The following AAR2 variants were observed in gnomAD, a reference collection of about 807,000 sequenced individuals.
AAR2 encodes protein AAR2 homolog.
In AAR2, 31 loss-of-function variants were observed where a neutral mutation model predicts 26.9. The ratio of observed to expected loss-of-function variants is 1.15; its 90% CI spans 0.86 to 1.55. The LOEUF (loss-of-function observed/expected upper bound fraction) is 1.55, where lower values mean the gene tolerates loss of function less well. AAR2 is among the 40% of genes most tolerant of loss of function. The pLI is 0.00. For missense variants in AAR2, 430 were observed against 491.3 expected (o/e 0.88, Z 1.18); for synonymous variants, 188 against 196.1 (o/e 0.96, Z 0.34).
At chr20:36,248,364 C>G (rs1310816687) in intron 3 of AAR2, among the ~76,000 whole-genome samples, 1 of 141,052 alleles carries the variant, frequency 7.1e-6, no homozygotes, top group Non-Finnish European at 1.5e-5. Context: ...GAGACATAGT[C>G]TTGGTCTGTA....
chr20:36,246,253 CTT>C (rs2064733800), intron 3 of AAR2, among the ~76,000 whole-genome samples: 1 of 152,146 alleles, frequency 6.6e-6, no homozygotes, highest in East Asian at 1.9e-4. Flanking sequence ...TCAGTGAAGA[CTT>C]CATCGAGGTC....
At position 36,255,481 on chromosome 20, in the gene AAR2, G is replaced by A. The variant is rs746806728; in HGVS notation, c.988-97G>A. 1,631 of 1,408,244 alleles carry A rather than the reference G, an allele frequency of 1.2e-3. 3 individuals carry two copies. The highest frequency in any genetic ancestry group is 1.5e-3 in the Non-Finnish European group (1,475 of 1,016,088). The allele number at this position is 1,408,244 out of a possible 1,614,324, so 87.2% of individuals were successfully genotyped here. ...TATGCCAGCAGCAGCTGATCTACCC[G>A]CCCCAGAAGAGCCGAACACCATGAG... On this transcript the variant is annotated intron_variant, in intron 3 of 3. Transcript: ENST00000320849.
At chr20:36,244,616 C>T in intron 2 of AAR2, 81 bp from the exon 3 acceptor site, 1 of 1,361,714 alleles carries the variant, frequency 7.3e-7, no homozygotes, top group Non-Finnish European at 1.0e-6. Flanking sequence ...CAGTGGAATT[C>T]ATGGCCTTGT....
Position 36,240,184 on chromosome 20 carries a change from T to A in AAR2, c.316T>A (p.Ser106Thr), listed in dbSNP as rs745632232. 6 of 1,613,934 alleles carry A rather than the reference T, an allele frequency of 3.7e-6. No individual in the cohort carries two copies. In the South Asian group the frequency reaches 6.6e-5, roughly 18 times the overall value. The change falls in exon 2 of 4, where the codon TCT (serine) becomes ACT (threonine). Residue 106 changes from serine to threonine, a missense_variant. Transcript: ENST00000320849. ...GGTAGACCTGTCCCCAGCCCCAGAGTCTGAGGTGGAGGCCATGAGGGCCAA... is the reference window on the plus strand; with the variant it reads ...GGTAGACCTGTCCCCAGCCCCAGAGACTGAGGTGGAGGCCATGAGGGCCAA... ...EEVDLSPAPE[S>T]EVEAMRANLQ...
In AAR2 at chr20:36,255,565, C is replaced by T; in HGVS notation, c.988-13C>T. On this transcript the variant is annotated splice_polypyrimidine_tract_variant and intron_variant, in intron 3 of 3. Transcript: ENST00000320849. ...CGTCTTCTCAGGAGTGACTTATCCTCTGTTCTCTGTAGGTTTTCTTTTCCT... is the reference window on the plus strand; with the variant it reads ...CGTCTTCTCAGGAGTGACTTATCCTTTGTTCTCTGTAGGTTTTCTTTTCCT... 6.2e-7 allele frequency: 1 copy of T among 1,614,162 alleles called. No homozygotes were observed. Among genetic ancestry groups the T allele is most frequent in the Non-Finnish European group, 8.5e-7 (1 of 1,179,984 alleles).
chr20:36,240,712 G>A, intron 2 of AAR2, 87 bp downstream of exon 2: 1 of 1,476,976 alleles, frequency 6.8e-7, no homozygotes, highest in Non-Finnish European at 9.0e-7. Context: ...TCTTGTGTTA[G>A]TCCAGCAGCA....
intron 1 of AAR2, among the ~76,000 whole-genome samples, chr20:36,239,522 G>T (rs1360233671): frequency 6.6e-6 from 1 of 152,232 alleles, no homozygotes; most frequent in Non-Finnish European, 1.5e-5. Context: ...ACACTGGCCT[G>T]CAGGCAGGGT....
In AAR2 at chr20:36,256,918, C is replaced by A. The variant is rs759962744; in HGVS notation, c.*1173C>A. The A allele has an allele frequency of 3.9e-5, 6 of 152,648 alleles. No homozygotes were observed. Among genetic ancestry groups the A allele is most frequent in the African/African-American group, 1.4e-4 (6 of 41,452 alleles). 9.5% of individuals were successfully genotyped at this position (152,648 alleles called of 1,614,324 possible). A position where few individuals can be genotyped will look rare whatever the true frequency, so the allele number is the denominator to read the frequency against. On this transcript the variant is annotated 3_prime_UTR_variant, in exon 4 of 4. Coordinates refer to ENST00000320849, the MANE Select transcript of AAR2 (RefSeq NM_001271874.2). ...CCAAGAGCATAATGTACATTAAAGT[C>A]TTCGAGTTGAGACAATCCCCTTGTG...
At chr20:36,250,429 A>T (rs1049996715) in intron 3 of AAR2, among the ~76,000 whole-genome samples, 9 of 152,268 alleles carry the variant, frequency 5.9e-5, no homozygotes, top group African/African-American at 2.2e-4. Context: ...TTTAGTGAAT[A>T]AAATAACTAG....
intron 3 of AAR2, among the ~76,000 whole-genome samples, chr20:36,245,631 C>A (rs1191820600): frequency 6.6e-6 from 1 of 152,202 alleles, no homozygotes; most frequent in Non-Finnish European, 1.5e-5. Flanking sequence ...TCTTTCTTCT[C>A]CCTGTGTGTA....
intron 3 of AAR2, 80 bp downstream of exon 3, chr20:36,245,006 C>G: frequency 7.7e-7 from 1 of 1,294,012 alleles, no homozygotes; most frequent in East Asian, 2.4e-5. Flanking sequence ...TCTCGCTATT[C>G]TTCCATGACC....
At chr20:36,242,646 G>A (rs1056026088) in intron 2 of AAR2, among the ~76,000 whole-genome samples, 3 of 152,070 alleles carry the variant, frequency 2.0e-5, no homozygotes, top group African/African-American at 7.2e-5. Context: ...ACCTGCCTCA[G>A]CCTCCCAAAG....
intron 3 of AAR2, among the ~76,000 whole-genome samples, chr20:36,246,517 A>G (rs984884939): frequency 6.6e-6 from 1 of 152,210 alleles, no homozygotes. Flanking sequence ...ATTTTCCCCA[A>G]AGGTACTGGT....
At chr20:36,238,713 G>A (rs559688728) in intron 1 of AAR2, among the ~76,000 whole-genome samples, 2 of 147,584 alleles carry the variant, frequency 1.4e-5, no homozygotes, top group South Asian at 4.3e-4. Context: ...CCGAGATCAC[G>A]CCACTGCACT....
At chr20:36,248,509 T>G (rs2064755954) in intron 3 of AAR2, among the ~76,000 whole-genome samples, 1 of 152,074 alleles carries the variant, frequency 6.6e-6, no homozygotes, top group African/African-American at 2.4e-5. Flanking sequence ...CTAATTTTTT[T>G]GTATTTTTAG....
At chr20:36,249,749 C>T (rs1229966257) in intron 3 of AAR2, among the ~76,000 whole-genome samples, 2 of 152,204 alleles carry the variant, frequency 1.3e-5, no homozygotes, top group East Asian at 3.8e-4. Context: ...TCAGGAAGGT[C>T]ACATAATTTG....
chr20:36,255,229 A>G (rs918093470), intron 3 of AAR2, among the ~76,000 whole-genome samples: 2 of 152,148 alleles, frequency 1.3e-5, no homozygotes, highest in Non-Finnish European at 2.9e-5. Flanking sequence ...GCTTATAAGC[A>G]CCCCCAAGCC....
At chr20:36,253,932 C>T (rs1221753226) in intron 3 of AAR2, among the ~76,000 whole-genome samples, 1 of 152,176 alleles carries the variant, frequency 6.6e-6, no homozygotes, top group Non-Finnish European at 1.5e-5. Context: ...TTTAAACACA[C>T]AGAGAAAATA....
intron 3 of AAR2, among the ~76,000 whole-genome samples, chr20:36,253,478 G>A (rs181535980): frequency 2.4e-4 from 36 of 152,274 alleles, no homozygotes; most frequent in African/African-American, 7.9e-4. Context: ...GCATTCTGTT[G>A]TATCTTTCCA....
Sources: allele counts gnomAD v4.1 joint callset (sites outside exome capture counted in the v4.1 genomes callset), GRCh38; gene constraint gnomAD v4.1.1; transcripts MANE v1.5; gene names NCBI Gene and HGNC (gene_info 2026-07-23, HGNC 2026-07-21).